The following ME3 variants were observed in gnomAD, a reference collection of about 807,000 sequenced individuals.
ME3 encodes NADP-dependent malic enzyme, mitochondrial.
ME3 carries 48 observed loss-of-function variants against 68.9 expected under a neutral mutation model. The ratio of observed to expected loss-of-function variants is 0.70; its 90% CI spans 0.55 to 0.89. The LOEUF (loss-of-function observed/expected upper bound fraction) is 0.89. Ranked by LOEUF, ME3 falls within the 40% of genes least tolerant of loss-of-function variation. The pLI is 0.00. For synonymous variants in ME3, 320 were observed against 318.8 expected (o/e 1.00, Z -0.04); for missense variants, 675 against 797.4 (o/e 0.85, Z 1.85).
intron 5 of ME3, among the ~76,000 whole-genome samples, chr11:86,506,098 T>C (rs1953053297): frequency 6.6e-6 from 1 of 152,204 alleles, no homozygotes; most frequent in South Asian, 2.1e-4. Context: ...AGATGTTTAC[T>C]AAAAGATGGT....
intron 6 of ME3, among the ~76,000 whole-genome samples, chr11:86,488,213 C>T (rs1951806632): frequency 6.6e-6 from 1 of 152,158 alleles, no homozygotes; most frequent in Non-Finnish European, 1.5e-5. Context: ...TGTCTTGAGA[C>T]ATTGCCAAAG....
At chr11:86,628,234 T>C (rs930231202) in intron 2 of ME3, among the ~76,000 whole-genome samples, 1 of 152,204 alleles carries the variant, frequency 6.6e-6, no homozygotes, top group African/African-American at 2.4e-5. Flanking sequence ...ACAGTCAGTG[T>C]GGTGTGTGGC....
At chr11:86,467,975 C>G (rs550022521) in intron 7 of ME3, among the ~76,000 whole-genome samples, 1 of 152,122 alleles carries the variant, frequency 6.6e-6, no homozygotes, top group African/African-American at 2.4e-5. Flanking sequence ...CTAGAACTCA[C>G]CGGATTTAAG....
At chr11:86,490,631 A>G (rs1951945897) in intron 6 of ME3, among the ~76,000 whole-genome samples, 1 of 152,250 alleles carries the variant, frequency 6.6e-6, no homozygotes, top group Non-Finnish European at 1.5e-5. Context: ...ACAAAATTAC[A>G]CAGATATCAT....
chr11:86,442,766 CAG>C (rs1443068301), intron 14 of ME3, 53 bp downstream of exon 14: 2 of 1,439,774 alleles, frequency 1.4e-6, no homozygotes, highest in Non-Finnish European at 1.9e-6. Context: ...AAGTCACAGA[CAG>C]AGAAAGTGGT....
At chr11:86,499,536 A>T (rs1952584405) in intron 5 of ME3, among the ~76,000 whole-genome samples, 1 of 152,194 alleles carries the variant, frequency 6.6e-6, no homozygotes, top group Non-Finnish European at 1.5e-5. Flanking sequence ...GGGTAAAGAG[A>T]TGAAGACCCA....
At chr11:86,482,952 A>G (rs1194477231) in intron 7 of ME3, among the ~76,000 whole-genome samples, 1 of 152,204 alleles carries the variant, frequency 6.6e-6, no homozygotes, top group African/African-American at 2.4e-5. Flanking sequence ...ATGTTAAGCC[A>G]GTAAGATTTA....
chr11:86,625,873 G>C (rs989865854), intron 2 of ME3, among the ~76,000 whole-genome samples: 1 of 152,136 alleles, frequency 6.6e-6, no homozygotes, highest in African/African-American at 2.4e-5. Context: ...TTCCCTCTCT[G>C]TGTCTCTGTA....
At chr11:86,650,778 A>C (rs1945354301) in intron 2 of ME3, among the ~76,000 whole-genome samples, 1 of 152,178 alleles carries the variant, frequency 6.6e-6, no homozygotes, top group South Asian at 2.1e-4. Context: ...ACCGAGCGTG[A>C]GCTGCAGCAG....
chr11:86,464,119 G>C (rs1360412179), intron 8 of ME3: 1 of 451,528 alleles, frequency 2.2e-6, no homozygotes, highest in Non-Finnish European at 4.4e-6. Flanking sequence ...TGGGCCTCTG[G>C]AGAAGTCATC....
Position 86,554,008 on chromosome 11 carries a change from A to G in ME3, c.467+2545T>C, listed in dbSNP as rs557095275. Among the ~76,000 whole-genome samples the G allele has an allele frequency of 5.3e-5, 8 of 152,320 alleles. 1 individual carries two copies. The South Asian group carries it at 1.7e-3, about 32-fold the overall frequency. On this transcript the variant is annotated intron_variant, in intron 4 of 14. Transcript: ENST00000543262. ...TATTTCCCTGTGCCTCAGTTTTCCC[A>G]TTTGCAATTGAGATGATAATAGGGC...
At chr11:86,467,640 C>G (rs1196353578) in intron 7 of ME3, among the ~76,000 whole-genome samples, 2 of 147,642 alleles carry the variant, frequency 1.4e-5, no homozygotes, top group African/African-American at 2.5e-5. Flanking sequence ...CTGTCTCTCT[C>G]TGTGTGTCTG....
At chr11:86,545,323 A>G (rs1956298045) in intron 4 of ME3, among the ~76,000 whole-genome samples, 1 of 152,322 alleles carries the variant, frequency 6.6e-6, no homozygotes, top group African/African-American at 2.4e-5. Flanking sequence ...GGCCAGGGCA[A>G]TCAGGCAAGA....
intron 7 of ME3, among the ~76,000 whole-genome samples, chr11:86,477,934 T>G (rs1441985532): frequency 1.3e-5 from 2 of 152,094 alleles, no homozygotes. Flanking sequence ...ATGGGGGAGC[T>G]GGACTGTCAA....
At chr11:86,568,623 G>A (rs1294092278) in intron 2 of ME3, among the ~76,000 whole-genome samples, 3 of 152,294 alleles carry the variant, frequency 2.0e-5, no homozygotes, top group South Asian at 2.1e-4. Flanking sequence ...ATGGCAGGGC[G>A]CAAAGGCAGC....
chr11:86,446,703 G>T (rs1490654613), intron 12 of ME3, among the ~76,000 whole-genome samples: 2 of 152,206 alleles, frequency 1.3e-5, no homozygotes, highest in East Asian at 1.9e-4. Context: ...CTGCTGAAAG[G>T]TGATGGGGTT....
intron 2 of ME3, among the ~76,000 whole-genome samples, chr11:86,657,419 G>T (rs1439675498): frequency 1.5e-5 from 2 of 137,864 alleles, no homozygotes; most frequent in Admixed American, 8.2e-5. Flanking sequence ...GTTGAACAAT[G>T]AGAACACATG....
chr11:86,521,164 C>T (rs1954246251), intron 4 of ME3, among the ~76,000 whole-genome samples: 1 of 152,010 alleles, frequency 6.6e-6, no homozygotes, highest in South Asian at 2.1e-4. Context: ...CCGAGGCGGG[C>T]GGATCACGCA....
At chr11:86,651,549 A>G (rs1376200406) in intron 2 of ME3, among the ~76,000 whole-genome samples, 2 of 152,244 alleles carry the variant, frequency 1.3e-5, no homozygotes, top group Admixed American at 6.5e-5. Context: ...TGTTAGAAGG[A>G]AAACTAACCA....
Sources: allele counts gnomAD v4.1 joint callset (sites outside exome capture counted in the v4.1 genomes callset), GRCh38; gene constraint gnomAD v4.1.1; transcripts MANE v1.5; gene names NCBI Gene and HGNC (gene_info 2026-07-23, HGNC 2026-07-21).